The following PPEF2 variants were observed in gnomAD, a reference collection of about 807,000 sequenced individuals.
The protein encoded by PPEF2 is serine/threonine-protein phosphatase with EF-hands 2.
Under a neutral mutation model 84.7 loss-of-function variants are expected in PPEF2, and 84 were observed. The ratio of observed to expected loss-of-function variants is 0.99; its 90% CI spans 0.83 to 1.19. The LOEUF is 1.19. PPEF2 is among the 50% of genes most tolerant of loss of function. The pLI, the probability that PPEF2 is intolerant of heterozygous loss-of-function variation, is 0.00. For missense variants in PPEF2, 924 were observed against 937.5 expected (o/e 0.99, Z 0.19); for synonymous variants, 346 against 345.2 (o/e 1.00, Z -0.03).
chr4:75,896,445 C>T, intron 1 of PPEF2, 62 bp from the exon 2 acceptor site: 1 of 1,043,226 alleles, frequency 9.6e-7, no homozygotes, highest in African/African-American at 1.6e-5. Context: ...ATCGGGTGGG[C>T]CAAATTGTCT....
chr4:75,872,799 C>A (rs981564647), intron 12 of PPEF2, among the ~76,000 whole-genome samples: 1 of 152,158 alleles, frequency 6.6e-6, no homozygotes, highest in African/African-American at 2.4e-5. Context: ...CCTGAGAAGA[C>A]AAATGAGCCT....
intron 8 of PPEF2, 74 bp from the exon 9 acceptor site, chr4:75,883,276 A>G (rs1011939679): frequency 1.5e-6 from 2 of 1,370,328 alleles, no homozygotes; most frequent in African/African-American, 1.4e-5. Flanking sequence ...CATTTTTAGA[A>G]GAATGCATAT....
chr4:75,898,436 C>T (rs886754680), intron 1 of PPEF2, among the ~76,000 whole-genome samples: 11 of 152,240 alleles, frequency 7.2e-5, no homozygotes, highest in African/African-American at 2.7e-4. Context: ...TTCTCTTAAG[C>T]TGGCTAACTT....
At chr4:75,889,850 T>A in intron 5 of PPEF2, 107 bp downstream of exon 5, 1 of 1,275,790 alleles carries the variant, frequency 7.8e-7, no homozygotes, top group Non-Finnish European at 1.1e-6. Context: ...AGTGGACACA[T>A]GACATGAACA....
Position 75,891,930 on chromosome 4 carries a change from G to A in PPEF2, c.104C>T (p.Ala35Val). The change falls in exon 3 of 17, where the codon GCC (alanine) becomes GTC (valine). Residue 35 changes from alanine (A) to valine (V), a missense_variant. Ala to Val is a moderately conservative substitution (Grantham distance 64). Transcript: ENST00000286719. ...GCAACGCCGCCTCATCTCCAGGCGG[G>A]CCACGTAGCGCCGGTACCATCTCTG... ...LIQRWYRRYV[A>V]RLEMRRRCTW... 2.5e-6 allele frequency: 4 copies of A among 1,614,146 alleles called. No individual in the cohort carries two copies. The highest frequency in any genetic ancestry group is 3.4e-6 in the Non-Finnish European group (4 of 1,180,002).
chr4:75,877,777 T>G (rs963124877), intron 10 of PPEF2, among the ~76,000 whole-genome samples: 1 of 152,192 alleles, frequency 6.6e-6, no homozygotes, highest in Non-Finnish European at 1.5e-5. Flanking sequence ...ATTTCATCAT[T>G]TTTCTAATAA....
chr4:75,877,400 A>T (rs1334459348), intron 10 of PPEF2, among the ~76,000 whole-genome samples: 1 of 151,738 alleles, frequency 6.6e-6, no homozygotes, highest in Non-Finnish European at 1.5e-5. Context: ...GAAGAGGAAG[A>T]AAAAGAAAGA....
intron 1 of PPEF2, among the ~76,000 whole-genome samples, chr4:75,901,147 AT>A (rs1184923007): frequency 2.6e-5 from 4 of 152,242 alleles, no homozygotes; most frequent in African/African-American, 9.6e-5. Context: ...CTCTGACTAA[AT>A]AGGTATCCCA....
At chr4:75,876,037 T>C (rs1384119873) in intron 11 of PPEF2, among the ~76,000 whole-genome samples, 4 of 152,188 alleles carry the variant, frequency 2.6e-5, no homozygotes, top group Non-Finnish European at 5.9e-5. Flanking sequence ...TAGCTTATCT[T>C]CTTACCCTAC....
intron 4 of PPEF2, among the ~76,000 whole-genome samples, chr4:75,891,180 C>CAAAA (rs35660911): frequency 7.3e-6 from 1 of 136,142 alleles, no homozygotes; most frequent in Admixed American, 7.5e-5. Flanking sequence ...GACTCTGTCT[C>CAAAA]AAAAAAAAAA....
At chr4:75,877,808 C>T (rs555285122) in intron 10 of PPEF2, among the ~76,000 whole-genome samples, 12 of 151,718 alleles carry the variant, frequency 7.9e-5, no homozygotes, top group Admixed American at 3.9e-4. Context: ...TTGTATTTTA[C>T]GAAAGTATTG....
intron 15 of PPEF2, among the ~76,000 whole-genome samples, chr4:75,865,347 T>A (rs1724101571): frequency 6.6e-6 from 1 of 152,178 alleles, no homozygotes; most frequent in East Asian, 1.9e-4. Flanking sequence ...TTTTCACTTG[T>A]GGCATCGTGT....
Position 75,860,547 on chromosome 4 carries a change from GAT to G in PPEF2, c.*118_*119del. 7.9e-7 allele frequency: 1 copy of G among 1,272,764 alleles called. No homozygotes were observed. The highest frequency in any genetic ancestry group is 1.5e-5 in the South Asian group (1 of 68,550). The allele number at this position is 1,272,764 out of a possible 1,614,324, so 78.8% of individuals were successfully genotyped here. On this transcript the variant is annotated 3_prime_UTR_variant, in exon 17 of 17. Transcript: ENST00000286719. ...CACACTGAAATACACAGGTGATTCT[GAT>G]GCATATGGATAGGTAAATTTTCAGC...
At chr4:75,864,927 T>C (rs532832692) in intron 15 of PPEF2, among the ~76,000 whole-genome samples, 41 of 152,316 alleles carry the variant, frequency 2.7e-4, no homozygotes, top group African/African-American at 9.9e-4. Flanking sequence ...ACATCTAGCC[T>C]GAATGTAATT....
At chr4:75,894,632 G>A (rs1724966272) in intron 2 of PPEF2, among the ~76,000 whole-genome samples, 3 of 152,166 alleles carry the variant, frequency 2.0e-5, no homozygotes, top group Admixed American at 1.3e-4. Context: ...CAGGAGCTGG[G>A]GTTTAACACC....
At chr4:75,895,915 G>T (rs1397491517) in intron 2 of PPEF2, among the ~76,000 whole-genome samples, 1 of 151,962 alleles carries the variant, frequency 6.6e-6, no homozygotes, top group Non-Finnish European at 1.5e-5. Flanking sequence ...GGCCACTAGA[G>T]GGAGCTCATG....
intron 16 of PPEF2, among the ~76,000 whole-genome samples, chr4:75,861,641 G>A (rs1342813143): frequency 9.3e-5 from 6 of 64,428 alleles, no homozygotes; most frequent in African/African-American, 1.2e-4. Flanking sequence ...AGGGAGTCTC[G>A]CTCTGTCACC....
At chr4:75,891,811 G>GGGA in intron 3 of PPEF2, 40 bp downstream of exon 3, 1 of 1,600,360 alleles carries the variant, frequency 6.2e-7, no homozygotes, top group Non-Finnish European at 8.6e-7. Flanking sequence ...TGCTGCCCAA[G>GGGA]GGAGAGCAGG....
chr4:75,869,535 G>C (rs553217659), intron 13 of PPEF2, among the ~76,000 whole-genome samples: 1 of 152,288 alleles, frequency 6.6e-6, no homozygotes, highest in African/African-American at 2.4e-5. Flanking sequence ...GACTCTGACT[G>C]AGGATTCCTC....
Sources: allele counts gnomAD v4.1 joint callset (sites outside exome capture counted in the v4.1 genomes callset), GRCh38; gene constraint gnomAD v4.1.1; transcripts MANE v1.5; gene names NCBI Gene and HGNC (gene_info 2026-07-23, HGNC 2026-07-21).